The following SMOC1 variants were observed in gnomAD, a reference collection of about 807,000 sequenced individuals.
SMOC1 encodes SPARC related modular calcium binding 1, also known as SPARC-related modular calcium-binding protein 1.
In SMOC1, 22 loss-of-function variants were observed where a neutral mutation model predicts 56.3. The ratio of observed to expected loss-of-function variants is 0.39; its 90% CI spans 0.28 to 0.56. The LOEUF (loss-of-function observed/expected upper bound fraction) is 0.56. Among genes scored for constraint, SMOC1 ranks in the 20% least tolerant of loss-of-function variants. The pLI is 0.61. For missense variants in SMOC1, 509 were observed against 565.4 expected (o/e 0.90, Z 1.01); for synonymous variants, 193 against 215.0 (o/e 0.90, Z 0.89).
intron 6 of SMOC1, 105 bp from the exon 7 acceptor site, chr14:69,994,295 A>G: frequency 1.1e-6 from 1 of 904,986 alleles, no homozygotes; most frequent in Non-Finnish European, 1.9e-6. Context: ...TGAAGCCTCA[A>G]TGCCTCAGAC....
intron 1 of SMOC1, among the ~76,000 whole-genome samples, chr14:69,930,625 T>C (rs1482836892): frequency 6.6e-6 from 1 of 152,100 alleles, no homozygotes; most frequent in Non-Finnish European, 1.5e-5. Flanking sequence ...CCCCTGGGTA[T>C]GCAAGAGAAA....
At position 69,920,426 on chromosome 14, in the gene SMOC1, C is replaced by T. The variant is rs141934470; in HGVS notation, c.100-31712C>T. On this transcript the variant is annotated intron_variant, in intron 1 of 11. Transcript: ENST00000361956. ...CAGCCCTCATATTATTATTAAGGGGCTATTGCTAGAACTAGGACGTAGAAT... is the reference window on the plus strand; with the variant it reads ...CAGCCCTCATATTATTATTAAGGGGTTATTGCTAGAACTAGGACGTAGAAT... 8.5e-5 allele frequency among the ~76,000 whole-genome samples: 13 copies of T among 152,276 alleles called. No homozygotes were observed. The East Asian group carries it at 2.3e-3, about 27-fold the overall frequency.
chr14:69,943,987 A>G (rs1882683129), intron 1 of SMOC1, among the ~76,000 whole-genome samples: 1 of 152,232 alleles, frequency 6.6e-6, no homozygotes, highest in Non-Finnish European at 1.5e-5. Context: ...GTCTGTGAGG[A>G]TCAGACTGAG....
In SMOC1 at chr14:69,903,075, G is replaced by A. The variant is rs1376143630; in HGVS notation, c.99+23298G>A. ...AAGTGAGGAGCGTCTCTGCCTGGCC[G>A]CCCATCATCTGGGATGTGAGGAGCC... On this transcript the variant is annotated intron_variant, in intron 1 of 11. Coordinates refer to ENST00000361956, the MANE Select transcript of SMOC1 (RefSeq NM_001034852.3). Among the ~76,000 whole-genome samples, 8 of 151,940 alleles carry A rather than the reference G, an allele frequency of 5.3e-5. No homozygotes were observed. The East Asian group carries it at 5.9e-4, about 11-fold the overall frequency.
intron 5 of SMOC1, among the ~76,000 whole-genome samples, chr14:69,991,575 C>T (rs1884571341): frequency 6.6e-6 from 1 of 152,162 alleles, no homozygotes; most frequent in Admixed American, 6.5e-5. Flanking sequence ...AAAGTCTGCA[C>T]TAACTCCTGA....
chr14:69,911,916 G>A (rs1349599232), intron 1 of SMOC1, among the ~76,000 whole-genome samples: 2 of 152,154 alleles, frequency 1.3e-5, no homozygotes, highest in Non-Finnish European at 2.9e-5. Flanking sequence ...CTAACTTTAT[G>A]AGAAACTGCC....
chr14:69,994,185 A>T (rs1463079042), intron 6 of SMOC1: 2 of 625,878 alleles, frequency 3.2e-6, no homozygotes, highest in Non-Finnish European at 5.7e-6. Context: ...TCTGCTTCCC[A>T]GCACAGGATG....
intron 5 of SMOC1, among the ~76,000 whole-genome samples, chr14:69,991,313 A>C (rs1473838247): frequency 1.3e-5 from 2 of 152,066 alleles, no homozygotes; most frequent in Non-Finnish European, 2.9e-5. Flanking sequence ...GGACAAAGAT[A>C]CCCTCTCCAA....
Position 69,952,159 on chromosome 14 carries a change from C to T in SMOC1, c.121C>T (p.Pro41Ser). ...CTAGTTTCTAATAAGTGACCGTGAC[C>T]CACAGTGCAACCTCCACTGCTCCAG... Reference protein sequence around the residue: ...GPRFLISDRDPQCNLHCSRTQ... With the variant: ...GPRFLISDRDSQCNLHCSRTQ... The change falls in exon 2 of 12, where the codon CCA (proline) becomes TCA (serine). Residue 41 changes from proline (P) to serine (S), a missense_variant. Coordinates refer to ENST00000361956, the MANE Select transcript of SMOC1 (RefSeq NM_001034852.3). The T allele has an allele frequency of 6.2e-7, 1 of 1,614,156 alleles. No homozygotes were observed. Among genetic ancestry groups the T allele is most frequent in the South Asian group, 1.1e-5 (1 of 91,080 alleles).
intron 1 of SMOC1, among the ~76,000 whole-genome samples, chr14:69,923,045 C>T (rs1034686872): frequency 2.6e-5 from 4 of 151,766 alleles, no homozygotes; most frequent in African/African-American, 7.3e-5. Context: ...CCCAGGTTCA[C>T]GCCATTCTCC....
At chr14:69,974,950 AAAG>A (rs376040989) in intron 3 of SMOC1, among the ~76,000 whole-genome samples, 26 of 152,258 alleles carry the variant, frequency 1.7e-4, no homozygotes, top group African/African-American at 6.0e-4. Flanking sequence ...GAAGCTAGAC[AAAG>A]AAGAAAAGCT....
intron 11 of SMOC1, 45 bp downstream of exon 11, chr14:70,023,492 C>A: frequency 6.2e-7 from 1 of 1,613,402 alleles, no homozygotes; most frequent in Non-Finnish European, 8.5e-7. Flanking sequence ...TACTTGCCCC[C>A]ACCCAGGCAT....
At chr14:69,881,468 C>T (rs995144060) in intron 1 of SMOC1, among the ~76,000 whole-genome samples, 2 of 152,042 alleles carry the variant, frequency 1.3e-5, no homozygotes, top group African/African-American at 4.8e-5. Flanking sequence ...AGGAAGCAAC[C>T]TTTAGGGGAA....
intron 3 of SMOC1, among the ~76,000 whole-genome samples, chr14:69,962,369 C>T (rs1585374): frequency 0.34 from 52,080 of 151,668 alleles, 9,253 homozygotes; most frequent in African/African-American, 0.42. Context: ...TTCACCATGT[C>T]GGCCAGGCTG....
chr14:70,001,102 G>A (rs931502483), intron 7 of SMOC1, among the ~76,000 whole-genome samples: 2 of 152,182 alleles, frequency 1.3e-5, no homozygotes, highest in Admixed American at 6.5e-5. Context: ...CTGTTCCACT[G>A]GGACTTGGGA....
intron 1 of SMOC1, among the ~76,000 whole-genome samples, chr14:69,924,327 T>C (rs1439692444): frequency 6.6e-6 from 1 of 152,192 alleles, no homozygotes; most frequent in East Asian, 1.9e-4. Flanking sequence ...AATTAACATA[T>C]GCGTGACCTC....
chr14:69,939,487 C>T (rs1308178451), intron 1 of SMOC1, among the ~76,000 whole-genome samples: 1 of 152,160 alleles, frequency 6.6e-6, no homozygotes, highest in Non-Finnish European at 1.5e-5. Flanking sequence ...ATAGCCAAAC[C>T]ATGTCACTAA....
intron 10 of SMOC1, 89 bp from the exon 11 acceptor site, chr14:70,023,114 C>G (rs534947972): frequency 1.9e-6 from 3 of 1,605,590 alleles, no homozygotes; most frequent in East Asian, 2.2e-5. Context: ...TTCTACCTGA[C>G]TTTCTGGGGG....
intron 3 of SMOC1, among the ~76,000 whole-genome samples, chr14:69,959,487 G>A (rs961491162): frequency 1.3e-5 from 2 of 152,130 alleles, no homozygotes; most frequent in African/African-American, 4.8e-5. Context: ...TATTCATTAT[G>A]TTACTTCTGT....
Sources: gnomAD v4.1 joint callset for allele counts (sites outside exome capture counted in the v4.1 genomes callset) on GRCh38, gnomAD v4.1.1 for gene constraint, MANE v1.5 for transcripts, NCBI Gene and HGNC (gene_info 2026-07-23, HGNC 2026-07-21) for gene names.